AFF2: variants seen among roughly 807,000 people sequenced by gnomAD.
The protein encoded by AFF2 is ALF transcription elongation factor 2.
In AFF2, 14 loss-of-function variants were observed where a neutral mutation model predicts 76.9. The ratio of observed to expected loss-of-function variants is 0.18; its 90% CI spans 0.12 to 0.28. AFF2 has a LOEUF of 0.28. AFF2 is among the 10% of genes least tolerant of loss of function. AFF2 has a pLI of 1.00. For synonymous variants in AFF2, 398 were observed against 366.7 expected (o/e 1.09, Z -0.98); for missense variants, 868 against 1,001.1 (o/e 0.87, Z 1.79).
chrX:148,656,048 C>T (rs1407283593), intron 2 of AFF2, among the ~76,000 whole-genome samples: 1 of 111,980 alleles, frequency 8.9e-6, no homozygotes, highest in Non-Finnish European at 1.9e-5. Flanking sequence ...GAACACTGAT[C>T]TCTAGGACCT....
intron 3 of AFF2, among the ~76,000 whole-genome samples, chrX:148,676,996 G>A (rs1326690650): frequency 2.7e-5 from 3 of 110,996 alleles, no homozygotes; most frequent in Non-Finnish European, 3.8e-5. Context: ...GGAGTAACAT[G>A]TTAGGGCTGG....
rs1233620720 is a variant in AFF2, at chrX:148,672,486, G to A, written c.1041+9718G>A. On this transcript the variant is annotated intron_variant, in intron 3 of 20. Transcript: ENST00000370460. ...CCCAGGCTTTTAGTGATACTTCCAC[G>A]TGGCATTTGGTGTATGGTGTGCTAC... is the stretch of plus-strand genomic sequence containing the variant. Among the ~76,000 whole-genome samples, 9 of 111,875 alleles carry A rather than the reference G, an allele frequency of 8.0e-5. No individual in the cohort carries two copies. The East Asian group carries it at 2.0e-3, about 25-fold the overall frequency.
chrX:148,555,920 C>T (rs1443002610), intron 1 of AFF2, among the ~76,000 whole-genome samples: 1 of 112,203 alleles, frequency 8.9e-6, no homozygotes, highest in Non-Finnish European at 1.9e-5. Flanking sequence ...TCTAAAGAGA[C>T]ACGTAAACCA....
At chrX:148,835,976 A>T (rs2124665471) in intron 4 of AFF2, among the ~76,000 whole-genome samples, 1 of 111,897 alleles carries the variant, frequency 8.9e-6, no homozygotes, top group East Asian at 2.8e-4. Flanking sequence ...AAATGATCTG[A>T]CTATTTTGGA....
At chrX:148,955,561 C>T in intron 10 of AFF2, 42 bp from the exon 11 acceptor site, 2 of 1,168,551 alleles carry the variant, frequency 1.7e-6, no homozygotes, top group South Asian at 4.0e-5. Flanking sequence ...GAATCCTTCC[C>T]AAGTGTAAAA....
intron 2 of AFF2, among the ~76,000 whole-genome samples, 182 bp downstream of exon 2, chrX:148,652,313 T>C (rs782624056): frequency 8.9e-6 from 1 of 112,039 alleles, no homozygotes; most frequent in East Asian, 2.8e-4. Flanking sequence ...CAGAAACAAA[T>C]TTCATCTTCT....
intron 1 of AFF2, among the ~76,000 whole-genome samples, chrX:148,618,707 A>G (rs1225088994): frequency 1.8e-5 from 2 of 111,966 alleles, no homozygotes; most frequent in Non-Finnish European, 3.8e-5. Flanking sequence ...AGAGGGCTTC[A>G]TGTTAGCTGG....
At chrX:148,768,794 T>G (rs2124596692) in intron 3 of AFF2, among the ~76,000 whole-genome samples, 1 of 112,129 alleles carries the variant, frequency 8.9e-6, no homozygotes, top group East Asian at 2.8e-4. Flanking sequence ...GTTCATTGTT[T>G]TTCTCATTTG....
intron 18 of AFF2, 73 bp downstream of exon 18, chrX:148,978,528 C>A: frequency 1.3e-6 from 1 of 758,187 alleles, no homozygotes; most frequent in South Asian, 2.4e-5. Context: ...TGCAGGTTAT[C>A]GAATGTCAAA....
chrX:148,842,267 C>T (rs1329371247), intron 5 of AFF2, among the ~76,000 whole-genome samples: 1 of 112,516 alleles, frequency 8.9e-6, no homozygotes, highest in African/African-American at 3.2e-5. Context: ...GTGTGCCACA[C>T]TCCAAGCAAG....
At chrX:148,866,984 A>G (rs2124077843) in intron 7 of AFF2, among the ~76,000 whole-genome samples, 1 of 112,288 alleles carries the variant, frequency 8.9e-6, no homozygotes, top group South Asian at 3.7e-4. Flanking sequence ...AACAACGCAC[A>G]TGTGGTAGAA....
At chrX:148,576,292 GC>G (rs1423457267) in intron 1 of AFF2, among the ~76,000 whole-genome samples, 2 of 111,634 alleles carry the variant, frequency 1.8e-5, no homozygotes, top group Admixed American at 9.6e-5. Flanking sequence ...ACTGTTTTAG[GC>G]AAGGCAGCCA....
intron 13 of AFF2, 76 bp downstream of exon 13, chrX:148,963,013 G>A: frequency 1.4e-6 from 1 of 705,712 alleles, no homozygotes; most frequent in Non-Finnish European, 2.2e-6. Context: ...GATCATTTGG[G>A]GATGTTGCAG....
chrX:148,903,625 A>G (rs2071377667), intron 8 of AFF2, among the ~76,000 whole-genome samples: 1 of 111,871 alleles, frequency 8.9e-6, no homozygotes, highest in Non-Finnish European at 1.9e-5. Context: ...GATTTGGTGT[A>G]TATTTTCTTA....
chrX:148,960,984 AC>A (rs1385806372), intron 12 of AFF2, among the ~76,000 whole-genome samples: 1 of 111,641 alleles, frequency 9.0e-6, no homozygotes, highest in African/African-American at 3.3e-5. Context: ...GTCCTTAAAG[AC>A]CCCGTGGTTC....
chrX:148,705,411 G>A (rs1479109990), intron 3 of AFF2, among the ~76,000 whole-genome samples: 5 of 112,218 alleles, frequency 4.5e-5, no homozygotes, highest in Admixed American at 9.4e-5. Flanking sequence ...TTAGCCAGGA[G>A]AAAGTGTATT....
intron 9 of AFF2, among the ~76,000 whole-genome samples, chrX:148,928,284 T>G (rs1179981642): frequency 8.9e-6 from 1 of 112,381 alleles, no homozygotes; most frequent in Non-Finnish European, 1.9e-5. Context: ...AGAGGAAAAT[T>G]GCAAACCAAT....
At chrX:148,644,872 G>A (rs1220542312) in intron 1 of AFF2, among the ~76,000 whole-genome samples, 2 of 112,050 alleles carry the variant, frequency 1.8e-5, no homozygotes, top group Non-Finnish European at 3.8e-5. Context: ...TTGGTCCAAT[G>A]TATGCCCTGA....
At chrX:148,895,515 AT>A (rs2071272841) in intron 8 of AFF2, among the ~76,000 whole-genome samples, 1 of 109,958 alleles carries the variant, frequency 9.1e-6, no homozygotes, top group African/African-American at 3.3e-5. Context: ...CCATGCTACT[AT>A]ATGACTGTAT....
Sources: allele counts gnomAD v4.1 joint callset (sites outside exome capture counted in the v4.1 genomes callset), GRCh38; gene constraint gnomAD v4.1.1; transcripts MANE v1.5; gene names NCBI Gene and HGNC (gene_info 2026-07-23, HGNC 2026-07-21).